CRLF2: variants seen among roughly 807,000 people sequenced by gnomAD.
The protein encoded by CRLF2 is cytokine receptor-like factor 2.
CRLF2 carries 41 observed loss-of-function variants against 38.7 expected under a neutral mutation model. The ratio of observed to expected loss-of-function variants is 1.06; its 90% CI spans 0.83 to 1.37. The LOEUF is 1.37. CRLF2 is among the 40% of genes most tolerant of loss of function. CRLF2 has a pLI of 0.00. For synonymous variants in CRLF2, 140 were observed against 128.8 expected (o/e 1.09, Z -0.59); for missense variants, 377 against 322.2 (o/e 1.17, Z -1.30).
In CRLF2 at chrX:1,196,428, C is replaced by T. The variant is rs181862876; in HGVS notation, c.767+352G>A. 5.3e-3 allele frequency among the ~76,000 whole-genome samples: 807 copies of T among 151,978 alleles called. 5 individuals carry two copies. Among genetic ancestry groups the T allele is most frequent in the African/African-American group, 0.018 (752 of 41,458 alleles). Reference sequence around the variant, plus strand: ...GTCTCGATCTCTTGACCTTATGATTCACCTGCCTTGGCATCACAAAATACT... The same window carrying T: ...GTCTCGATCTCTTGACCTTATGATTTACCTGCCTTGGCATCACAAAATACT... On this transcript the variant is annotated intron_variant, in intron 6 of 7. Transcript: ENST00000400841.
In CRLF2 at chrX:1,208,916, CAGAG is replaced by C. The variant is rs754260864; in HGVS notation, c.80-12_80-9del. 1.4e-5 allele frequency: 20 copies of C among 1,474,942 alleles called. No individual in the cohort carries two copies. In the East Asian group the frequency reaches 2.5e-4, roughly 18 times the overall value. The allele number at this position is 1,474,942 out of a possible 1,614,324, so 91.4% of individuals were successfully genotyped here. A position where few individuals can be genotyped will look rare whatever the true frequency, so the allele number is the denominator to read the frequency against. On this transcript the variant is annotated splice_polypyrimidine_tract_variant and intron_variant, in intron 1 of 7. Coordinates refer to ENST00000400841, the MANE Select transcript of CRLF2 (RefSeq NM_022148.4). ...GAATCTGTACTCCTTCTGCTAGACA[CAGAG>C]AGACGCATGAAGTTCACGGTGAGGC...
intron 7 of CRLF2, among the ~76,000 whole-genome samples, chrX:1,191,370 C>CCTTCCTTCCTTCCT (rs1427292357): frequency 2.1e-5 from 1 of 48,116 alleles, no homozygotes; most frequent in African/African-American, 6.2e-5. Context: ...TCCTTTCTTT[C>CCTTCCTTCCTTCCT]TCTTTCTTTC....
At chrX:1,191,333 C>T (rs1286535319) in intron 7 of CRLF2, among the ~76,000 whole-genome samples, 173 bp from the exon 8 acceptor site, 1 of 115,296 alleles carries the variant, frequency 8.7e-6, no homozygotes, top group East Asian at 2.9e-4. Context: ...TTCTTTCTTT[C>T]TTTCTTTCTT....
At chrX:1,198,846 A>C in intron 4 of CRLF2, 122 bp from the exon 5 acceptor site, 1 of 999,100 alleles carries the variant, frequency 1.0e-6, no homozygotes, top group Non-Finnish European at 1.5e-6. Context: ...AGTCTCGCTG[A>C]CTTCAAGAAT....
intron 6 of CRLF2, among the ~76,000 whole-genome samples, chrX:1,195,993 T>C (rs1481785914): frequency 3.4e-5 from 4 of 118,540 alleles, no homozygotes; most frequent in African/African-American, 1.1e-4. Context: ...TTTTTATATA[T>C]TTATATATAT....
At chrX:1,211,917 GTGGA>G (rs1184167849) in intron 1 of CRLF2, among the ~76,000 whole-genome samples, 2 of 127,784 alleles carry the variant, frequency 1.6e-5, no homozygotes, top group Non-Finnish European at 3.3e-5. Flanking sequence ...GGATGTATTG[GTGGA>G]TGGATGGGTG....
chrX:1,197,658 A>G (rs2086510959), intron 5 of CRLF2, among the ~76,000 whole-genome samples: 1 of 151,986 alleles, frequency 6.6e-6, no homozygotes, highest in African/African-American at 2.4e-5. Flanking sequence ...TACTAAAAAT[A>G]CAAACATTAG....
rs1193037041 is a variant in CRLF2 at position 1,206,417 on chromosome X, G to C, written c.349+16C>G. On this transcript the variant is annotated intron_variant, in intron 3 of 7. Transcript: ENST00000400841. ...AAGTACTGAAAAGCATGGTGAGCTG[G>C]CTTTACAATACTTACGGTAATAAAC... 7 of 1,610,720 alleles carry C rather than the reference G, an allele frequency of 4.3e-6. No homozygotes were observed. The highest frequency in any genetic ancestry group is 5.9e-6 in the Non-Finnish European group (7 of 1,177,078).
rs1279012696 is a variant in CRLF2, at chrX:1,194,062, T to G, written c.768-760A>C. 3.5e-3 allele frequency among the ~76,000 whole-genome samples: 523 copies of G among 149,000 alleles called. 3 individuals carry two copies. Among genetic ancestry groups the G allele is most frequent in the African/African-American group, 0.012 (491 of 40,296 alleles). The stretch of plus-strand genomic sequence containing the variant: ...ATCGCTTGAACCTGGGGGGCAGAGG[T>G]TGCAGTGATCTGAGATTGTGCCACT... On this transcript the variant is annotated intron_variant, in intron 6 of 7. Transcript: ENST00000400841.
chrX:1,208,746 G>T, intron 2 of CRLF2, 60 bp downstream of exon 2: 3 of 973,240 alleles, frequency 3.1e-6, no homozygotes, highest in Non-Finnish European at 3.4e-6. Flanking sequence ...ATCGCTGACG[G>T]CTCAGAAGAG....
rs868855549 is a variant in CRLF2, at chrX:1,211,744, G to A, written c.79+812C>T. On this transcript the variant is annotated intron_variant, in intron 1 of 7. Coordinates refer to ENST00000400841, the MANE Select transcript of CRLF2 (RefSeq NM_022148.4). ...GGGTGGATGGATGGATGGATGGATG[G>A]ATAAGTGGATAAAAGTGTGGGTGAA... Among the ~76,000 whole-genome samples the A allele has an allele frequency of 8.5e-5, 4 of 46,972 alleles. 1 individual carries two copies. In the South Asian group the frequency reaches 2.9e-3, roughly 34 times the overall value. 30.8% of individuals were successfully genotyped at this position (46,972 alleles called of 152,430 possible).
intron 1 of CRLF2, 138 bp downstream of exon 1, chrX:1,212,418 G>GAAAAAAAAAAAAAA (rs369256719): frequency 4.1e-4 from 175 of 430,308 alleles, no homozygotes; most frequent in East Asian, 1.5e-3. Flanking sequence ...CTTGAACCCG[G>GAAAAAAAAAAAAAA]AAAAAAAAAA....
chrX:1,202,513 G>C lies in CRLF2; in HGVS notation c.372C>G (p.His124Gln), dbSNP rs370449284. Residue 124 changes from histidine to glutamine, a missense_variant, in exon 4 of 8, where the codon CAC (histidine) becomes CAG (glutamine). Coordinates refer to ENST00000400841, the MANE Select transcript of CRLF2 (RefSeq NM_022148.4). Reference protein sequence around the residue: ...VYYLKPSSPKHVRFSWHQDAV... With the variant: ...VYYLKPSSPKQVRFSWHQDAV... ...CATCCTGATGCCACGAAAATCTCAC[G>C]TGCTTCGGGGAACTGGGTTTCACTG... The C allele has an allele frequency of 6.2e-7, 1 of 1,613,692 alleles. No individual in the cohort carries two copies. Among genetic ancestry groups the C allele is most frequent in the South Asian group, 1.1e-5 (1 of 91,074 alleles).
At chrX:1,197,598 A>T (rs1448395638) in intron 5 of CRLF2, among the ~76,000 whole-genome samples, 2 of 151,776 alleles carry the variant, frequency 1.3e-5, no homozygotes, top group Non-Finnish European at 2.9e-5. Flanking sequence ...GGCGGATCAC[A>T]AGGTCAGGAG....
intron 7 of CRLF2, among the ~76,000 whole-genome samples, chrX:1,192,712 C>CTTTTCT (rs1240566671): frequency 7.2e-5 from 1 of 13,938 alleles, no homozygotes; most frequent in East Asian, 1.7e-3. Flanking sequence ...CTTTTCTTTT[C>CTTTTCT]TTTCTTTCTT....
chrX:1,209,510 T>G (rs1227119881), intron 1 of CRLF2, among the ~76,000 whole-genome samples: 1 of 150,800 alleles, frequency 6.6e-6, no homozygotes, highest in Non-Finnish European at 1.5e-5. Context: ...TTTTTGTACT[T>G]TTAGTAGAGA....
intron 7 of CRLF2, among the ~76,000 whole-genome samples, chrX:1,191,631 A>G (rs1187805804): frequency 6.6e-6 from 1 of 151,342 alleles, no homozygotes; most frequent in African/African-American, 2.4e-5. Flanking sequence ...TACCCGGTTC[A>G]AGCGATTCTC....
intron 5 of CRLF2, among the ~76,000 whole-genome samples, 174 bp from the exon 6 acceptor site, chrX:1,197,074 C>T (rs1166303397): frequency 9.6e-5 from 14 of 145,450 alleles, no homozygotes; most frequent in East Asian, 6.0e-4. Context: ...TGTAAATATT[C>T]GTGTCAGCAA....
chrX:1,205,363 T>A (rs1440882866), intron 3 of CRLF2, among the ~76,000 whole-genome samples: 1 of 152,198 alleles, frequency 6.6e-6, no homozygotes, highest in African/African-American at 2.4e-5. Context: ...CTGAAAAGTG[T>A]GCTGGGATTG....
Sources: gnomAD v4.1 joint callset for allele counts (sites outside exome capture counted in the v4.1 genomes callset) on GRCh38, gnomAD v4.1.1 for gene constraint, MANE v1.5 for transcripts, NCBI Gene and HGNC (gene_info 2026-07-23, HGNC 2026-07-21) for gene names.